The following EIF4E3 variants were observed in gnomAD, a reference collection of about 807,000 sequenced individuals.
EIF4E3 encodes the protein eukaryotic translation initiation factor 4E family member 3, also known as eukaryotic translation initiation factor 4E type 3.
In EIF4E3, 26 loss-of-function variants were observed where a neutral mutation model predicts 31.7. That is an observed-to-expected ratio of 0.82 (90% CI 0.60 to 1.14). The LOEUF is 1.14. EIF4E3 is among the 50% of genes most tolerant of loss of function. The pLI, the probability that EIF4E3 is intolerant of heterozygous loss-of-function variation, is 0.00. For missense variants in EIF4E3, 304 were observed against 270.9 expected (o/e 1.12, Z -0.86); for synonymous variants, 128 against 107.7 (o/e 1.19, Z -1.17).
upstream of EIF4E3, chr3:71,729,080 A>T (rs2049674091): frequency 6.6e-6 from 1 of 152,198 alleles, no homozygotes; most frequent in Non-Finnish European, 1.5e-5. Flanking sequence ...AAACCTGAGC[A>T]CTCATATGCA....
At chr3:71,695,716 T>C (rs532081876) in intron 4 of EIF4E3, among the ~76,000 whole-genome samples, 67 of 152,328 alleles carry the variant, frequency 4.4e-4, no homozygotes, top group Non-Finnish European at 2.9e-5. Context: ...TGGAGACATT[T>C]CAGTTCTTTG....
chr3:71,661,354 A>C, the EIF4E3 span, among the ~76,000 whole-genome samples: 1 of 152,126 alleles, frequency 6.6e-6, no homozygotes, highest in Non-Finnish European at 1.5e-5. Context: ...CGTGCTCCCA[A>C]AGGGTCCTCA....
chr3:71,708,937 A>G (rs758987073), intron 2 of EIF4E3, among the ~76,000 whole-genome samples: 1 of 152,168 alleles, frequency 6.6e-6, no homozygotes, highest in Non-Finnish European at 1.5e-5. Flanking sequence ...CATTTCCCCA[A>G]CGACACCAGA....
downstream of EIF4E3, among the ~76,000 whole-genome samples, chr3:71,672,384 G>A (rs1309623505): frequency 2.0e-5 from 3 of 152,158 alleles, no homozygotes; most frequent in Non-Finnish European, 4.4e-5. Flanking sequence ...ATTTTCTCTT[G>A]TCAGGAGGGC....
chr3:71,690,936 C>T lies in EIF4E3; in HGVS notation c.473-771G>A, dbSNP rs558192632. ...ATTTATCCACATTGATTAAGGTGGA[C>T]TTTTTTTAAAAAACAAAATTCCAGA... On this transcript the variant is annotated intron_variant, in intron 5 of 6. Coordinates refer to ENST00000425534, the MANE Select transcript of EIF4E3 (RefSeq NM_001134651.2). Among the ~76,000 whole-genome samples the T allele has an allele frequency of 2.2e-4, 33 of 152,244 alleles. No individual in the cohort carries two copies. In the East Asian group the frequency reaches 3.7e-3, roughly 17 times the overall value.
At chr3:71,732,109 C>T (rs771801918) in intron 1 of EIF4E3, among the ~76,000 whole-genome samples, 13 of 152,130 alleles carry the variant, frequency 8.5e-5, no homozygotes, top group Non-Finnish European at 1.3e-4. Flanking sequence ...GTTCCTAGCA[C>T]GGTGTCTGGC....
At chr3:71,745,351 T>C (rs1167994980) in intron 1 of EIF4E3, among the ~76,000 whole-genome samples, 2 of 152,190 alleles carry the variant, frequency 1.3e-5, no homozygotes, top group Non-Finnish European at 2.9e-5. Context: ...CGTTGCATAA[T>C]AGGTAAACTA....
chr3:71,703,913 A>T (rs573185462), intron 2 of EIF4E3, among the ~76,000 whole-genome samples: 5 of 151,858 alleles, frequency 3.3e-5, no homozygotes, highest in Admixed American at 2.0e-4. Context: ...ATTTTTGCTC[A>T]TTAGGTATTA....
chr3:71,719,027 C>T (rs1205581551), intron 1 of EIF4E3, among the ~76,000 whole-genome samples: 1 of 152,176 alleles, frequency 6.6e-6, no homozygotes, highest in Non-Finnish European at 1.5e-5. Context: ...ACTTTGGGGT[C>T]CCTTTTGTCA....
intron 1 of EIF4E3, among the ~76,000 whole-genome samples, chr3:71,745,136 C>T (rs1027193244): frequency 1.3e-5 from 2 of 152,220 alleles, no homozygotes; most frequent in African/African-American, 4.8e-5. Context: ...TCTGCCTTAT[C>T]TCTAAGATTT....
intron 1 of EIF4E3, among the ~76,000 whole-genome samples, chr3:71,713,152 G>A (rs748737788): frequency 7.9e-5 from 12 of 152,176 alleles, no homozygotes; most frequent in Non-Finnish European, 1.5e-4. Flanking sequence ...TCTGACCTCC[G>A]TTGAAGCACT....
At chr3:71,659,753 A>G in the EIF4E3 span, among the ~76,000 whole-genome samples, 1 of 152,234 alleles carries the variant, frequency 6.6e-6, no homozygotes, top group Non-Finnish European at 1.5e-5. Flanking sequence ...CAGTCTTCTG[A>G]TTCCACATCC....
rs1237246353 is a variant in EIF4E3, at chr3:71,699,628, C to T, written c.330G>A (p.Glu110=). Residue 110 remains glutamate (E), a synonymous_variant, in exon 3 of 7, where the codon GAG becomes GAA. Transcript: ENST00000425534. The stretch of plus-strand genomic sequence containing the variant: ...TAGACACTTACCAAAGTGGTCGCCT[C>T]TCTCCTCTCATTAAATGATAACTAC... ...LRCSYHLMRG[E]RRPLWEEESN... 1 of 1,613,746 alleles carries T rather than the reference C, an allele frequency of 6.2e-7. No homozygotes were observed. The highest frequency in any genetic ancestry group is 8.5e-7 in the Non-Finnish European group (1 of 1,179,908).
At chr3:71,711,663 G>C (rs2108080983) in intron 1 of EIF4E3, among the ~76,000 whole-genome samples, 1 of 152,298 alleles carries the variant, frequency 6.6e-6, no homozygotes, top group Middle Eastern at 3.4e-3. Flanking sequence ...TGCTCCCTAA[G>C]AGTTGAACCT....
At chr3:71,754,434 T>C, upstream of EIF4E3, 1 of 1,353,532 alleles carries the variant, frequency 7.4e-7, no homozygotes, top group East Asian at 3.3e-5. This position sits in a 1 kb window ranked among gnomAD's most constrained non-coding sequence, Gnocchi z 5.8. Flanking sequence ...GCACCACCGC[T>C]TCTATGCAGA....
downstream of EIF4E3, among the ~76,000 whole-genome samples, chr3:71,672,222 T>G (rs1032211553): frequency 1.3e-5 from 2 of 152,118 alleles, no homozygotes; most frequent in Non-Finnish European, 1.5e-5. Flanking sequence ...TTGCCAGATA[T>G]CACCGGGCGA....
rs2048876346 is a variant in EIF4E3 at position 71,676,523 on chromosome 3, A to G, written c.*8159T>C. The G allele has an allele frequency of 6.6e-6, 1 of 152,180 alleles. No individual in the cohort carries two copies. 9.4% of individuals were successfully genotyped at this position (152,180 alleles called of 1,614,324 possible). A position where few individuals can be genotyped will look rare whatever the true frequency, so the allele number is the denominator to read the frequency against. ...CATAAAACAAAATCAGTGAGTACAT[A>G]AGTTATACTTACTGGCTTCCAAAAT... On this transcript the variant is annotated 3_prime_UTR_variant, in exon 7 of 7. Coordinates refer to ENST00000425534, the MANE Select transcript of EIF4E3 (RefSeq NM_001134651.2).
At chr3:71,670,735 G>A (rs1388229296), downstream of EIF4E3, among the ~76,000 whole-genome samples, 1 of 152,184 alleles carries the variant, frequency 6.6e-6, no homozygotes, top group East Asian at 1.9e-4. Context: ...GTGGTACCAT[G>A]AAGCATTACT....
the EIF4E3 span, among the ~76,000 whole-genome samples, chr3:71,669,252 G>C: frequency 6.6e-6 from 1 of 151,810 alleles, no homozygotes; most frequent in African/African-American, 2.4e-5. Context: ...GGCCTGTTGG[G>C]GGGTGGGGGG....
Sources: allele counts gnomAD v4.1 joint callset (sites outside exome capture counted in the v4.1 genomes callset), GRCh38; gene constraint gnomAD v4.1.1; non-coding constraint Gnocchi (gnomAD v3.1); transcripts MANE v1.5; gene names NCBI Gene and HGNC (gene_info 2026-07-23, HGNC 2026-07-21).